Variants in CLCN7 observed in about 807,000 individuals in gnomAD.
The protein encoded by CLCN7 is H(+)/Cl(-) exchange transporter 7.
CLCN7 carries 60 observed loss-of-function variants against 102.1 expected under a neutral mutation model. The ratio of observed to expected loss-of-function variants is 0.59; its 90% CI spans 0.48 to 0.73. The LOEUF is 0.73. Ranked by LOEUF, CLCN7 falls within the 30% of genes least tolerant of loss-of-function variation. The pLI is 0.00. For synonymous variants in CLCN7, 560 were observed against 490.5 expected, an observed-to-expected ratio of 1.14 and a Z score of -1.87; for missense variants, 962 against 1,125.7, an observed-to-expected ratio of 0.85 and a Z score of 2.08.
At chr16:1,458,867 G>A (rs572732651) in intron 7 of CLCN7, among the ~76,000 whole-genome samples, 7 of 152,264 alleles carry the variant, frequency 4.6e-5, no homozygotes, top group South Asian at 4.1e-4. Context: ...CATGCACCAC[G>A]CAAGCATTTC....
chr16:1,447,875 T>C (rs2038679029), intron 21 of CLCN7, among the ~76,000 whole-genome samples, 161 bp from the exon 22 acceptor site: 1 of 152,124 alleles, frequency 6.6e-6, no homozygotes, highest in African/African-American at 2.4e-5. Context: ...CGCCATGGCA[T>C]CCCACACGCA....
At chr16:1,446,752 G>T in intron 24 of CLCN7, 35 bp from the exon 25 acceptor site, 3 of 1,524,866 alleles carry the variant, frequency 2.0e-6, no homozygotes, top group Non-Finnish European at 2.7e-6. Flanking sequence ...TGACACACGG[G>T]TCGGCTCCCG....
At chr16:1,451,557 C>T (rs2038751201) in intron 16 of CLCN7, 66 bp downstream of exon 16, 3 of 1,425,380 alleles carry the variant, frequency 2.1e-6, no homozygotes, top group Non-Finnish European at 2.9e-6. Flanking sequence ...ACAGGGGACA[C>T]TCAGCCAGAA....
At chr16:1,466,869 T>G (rs955994146) in intron 1 of CLCN7, 1 of 130,316 alleles carries the variant, frequency 7.7e-6, no homozygotes, top group African/African-American at 3.0e-5. Context: ...GAGTCTGCAG[T>G]GAGCTGAGAT....
chr16:1,474,720 G>A (rs1379413783), intron 1 of CLCN7, 114 bp downstream of exon 1: 2 of 941,288 alleles, frequency 2.1e-6, no homozygotes, highest in East Asian at 4.2e-5. Flanking sequence ...AGTCCACCGC[G>A]CCTCGGTCGC....
intron 1 of CLCN7, among the ~76,000 whole-genome samples, chr16:1,468,543 G>A (rs979854727): frequency 3.3e-5 from 5 of 152,192 alleles, no homozygotes; most frequent in Admixed American, 1.3e-4. Context: ...ACTAGATGCT[G>A]TTCCTCAAAC....
At chr16:1,451,856 G>A (rs899930747) in intron 15 of CLCN7, 140 bp from the exon 16 acceptor site, 2 of 699,908 alleles carry the variant, frequency 2.9e-6, no homozygotes, top group Middle Eastern at 3.4e-4. Context: ...CCTGCCATTG[G>A]GTCAGGGCCA....
At chr16:1,454,065 G>A (rs555967899) in intron 13 of CLCN7, among the ~76,000 whole-genome samples, 171 bp from the exon 14 acceptor site, 2 of 152,232 alleles carry the variant, frequency 1.3e-5, no homozygotes, top group East Asian at 1.9e-4. Context: ...CCTGAGGGCT[G>A]GGGGAGCTGT....
intron 21 of CLCN7, 63 bp from the exon 22 acceptor site, chr16:1,447,777 G>A (rs1352173906): frequency 2.6e-6 from 4 of 1,512,378 alleles, no homozygotes; most frequent in Non-Finnish European, 3.6e-6. Flanking sequence ...CTGGAATGCT[G>A]TGTCGGGCCC....
Position 1,449,099 on chromosome 16 carries a change from G to A in CLCN7, c.1670-6C>T, listed in dbSNP as rs2038701821. The A allele has an allele frequency of 6.2e-7, 1 of 1,612,772 alleles. No individual in the cohort carries two copies. Among genetic ancestry groups the A allele is most frequent in the Non-Finnish European group, 8.5e-7 (1 of 1,179,986 alleles). On this transcript the variant is annotated splice_region_variant and splice_polypyrimidine_tract_variant and intron_variant, in intron 18 of 24. Coordinates refer to ENST00000382745, the MANE Select transcript of CLCN7 (RefSeq NM_001287.6). ...TGTCATCCGCACAATCCCGCCTGCG[G>A]GAGCCATCATGAACCCCAGCACGTC...
intron 17 of CLCN7, chr16:1,450,178 G>A (rs569813838): frequency 6.0e-5 from 25 of 419,118 alleles, no homozygotes; most frequent in African/African-American, 4.9e-4. Flanking sequence ...CCACCCCATG[G>A]AGTCTAGAAA....
chr16:1,460,576 G>T, intron 5 of CLCN7, 49 bp from the exon 6 acceptor site: 1 of 1,462,212 alleles, frequency 6.8e-7, no homozygotes. Flanking sequence ...TGACCACCCA[G>T]CCCAGACCTC....
At chr16:1,456,461 C>G (rs948167808) in intron 9 of CLCN7, among the ~76,000 whole-genome samples, 1 of 152,196 alleles carries the variant, frequency 6.6e-6, no homozygotes, top group Non-Finnish European at 1.5e-5. Flanking sequence ...CGCAAGATTC[C>G]AAAAACCTCT....
At chr16:1,459,358 C>T in intron 6 of CLCN7, 171 bp from the exon 7 acceptor site, 1 of 531,400 alleles carries the variant, frequency 1.9e-6, no homozygotes, top group Non-Finnish European at 3.4e-6. Flanking sequence ...GAGCAGCACA[C>T]ACGTCAGGGC....
chr16:1,451,722 G>T lies in CLCN7; in HGVS notation c.1354-6C>A. ...TCGCCATCTGCACAAAAGAGCTGTGGGGTCGGGAGAGAGCACACGTTGGGA... is the reference window on the plus strand; with the variant it reads ...TCGCCATCTGCACAAAAGAGCTGTGTGGTCGGGAGAGAGCACACGTTGGGA... On this transcript the variant is annotated splice_polypyrimidine_tract_variant and splice_region_variant and intron_variant, in intron 15 of 24. Coordinates refer to ENST00000382745, the MANE Select transcript of CLCN7 (RefSeq NM_001287.6). The T allele has an allele frequency of 6.2e-7, 1 of 1,611,064 alleles. No individual in the cohort carries two copies. Among genetic ancestry groups the T allele is most frequent in the Non-Finnish European group, 8.5e-7 (1 of 1,178,870 alleles).
rs1206095318 is a variant in CLCN7 at position 1,455,477 on chromosome 16, G to C, written c.982-227C>G. The C allele has an allele frequency of 6.2e-6, 4 of 646,522 alleles. No homozygotes were observed. In the East Asian group the frequency reaches 1.1e-4, roughly 18 times the overall value. The allele number at this position is 646,522 out of a possible 1,614,324, so 40.0% of individuals were successfully genotyped here. On this transcript the variant is annotated intron_variant, in intron 11 of 24. Coordinates refer to ENST00000382745, the MANE Select transcript of CLCN7 (RefSeq NM_001287.6). The stretch of plus-strand genomic sequence containing the variant: ...CAGTGGAGAGCAAGAGGGGAAGGTG[G>C]GGCAGGGCTGGGTTCCCGGCTGTTT...
intron 17 of CLCN7, chr16:1,449,560 G>A: frequency 1.7e-6 from 1 of 597,032 alleles, no homozygotes; most frequent in South Asian, 1.9e-5. Flanking sequence ...GGCAGGCATG[G>A]AGGATGCAGA....
At chr16:1,450,765 G>T in intron 16 of CLCN7, 99 bp from the exon 17 acceptor site, 3 of 1,067,520 alleles carry the variant, frequency 2.8e-6, no homozygotes, top group Non-Finnish European at 3.9e-6. Context: ...TCACCTTCCA[G>T]GAGCCCAGCA....
rs762413049 is a variant in CLCN7 at position 1,449,228 on chromosome 16, C to T, written c.1669+48G>A. The stretch of plus-strand genomic sequence containing the variant: ...CCCGCAAGGACAGCCATGGCCCCCT[C>T]CAGACCCCGTGGAGCTCCCCACCCA... On this transcript the variant is annotated intron_variant, in intron 18 of 24. Transcript: ENST00000382745. The T allele has an allele frequency of 3.8e-6, 6 of 1,568,422 alleles. No individual in the cohort carries two copies. The African/African-American group carries it at 8.1e-5, about 21-fold the overall frequency.
Sources: allele counts gnomAD v4.1 joint callset (sites outside exome capture counted in the v4.1 genomes callset), GRCh38; gene constraint gnomAD v4.1.1; transcripts MANE v1.5; gene names NCBI Gene and HGNC (gene_info 2026-07-23, HGNC 2026-07-21).